WWOX: variants seen among roughly 807,000 people sequenced by gnomAD.
The protein encoded by WWOX is WW domain containing oxidoreductase.
WWOX carries 69 observed loss-of-function variants against 46.2 expected under a neutral mutation model. The ratio of observed to expected loss-of-function variants is 1.49; its 90% CI spans 1.23 to 1.82. The LOEUF is 1.82. Among genes scored for constraint, WWOX ranks in the 40% most tolerant of loss-of-function variants. The pLI, the probability that WWOX is intolerant of heterozygous loss-of-function variation, is 0.00. For missense variants in WWOX, 919 were observed against 542.6 expected, an observed-to-expected ratio of 1.69 and a Z score of -6.89; for synonymous variants, 359 against 202.6, an observed-to-expected ratio of 1.77 and a Z score of -6.56.
At position 78,432,508 on chromosome 16, in the gene WWOX, C is replaced by A; in HGVS notation, c.812C>A (p.Ser271Tyr). 6.2e-7 allele frequency: 1 copy of A among 1,614,120 alleles called. No individual in the cohort carries two copies. The highest frequency in any genetic ancestry group is 8.5e-7 in the Non-Finnish European group (1 of 1,180,028). Residue 271 changes from serine to tyrosine, a missense_variant, in exon 8 of 9, where the codon TCC becomes TAC. Physicochemically the swap from Ser to Tyr is moderately radical, Grantham distance 144 (BLOSUM62 -2). Coordinates refer to ENST00000566780, the MANE Select transcript of WWOX (RefSeq NM_016373.4). ...ESHRFTDIND[S>Y]LGKLDFSRLS... ...TTAAGATTTACAGATATTAACGACTCCTTGGGAAAACTGGACTTCAGTCGC... is the reference window on the plus strand; with the variant it reads ...TTAAGATTTACAGATATTAACGACTACTTGGGAAAACTGGACTTCAGTCGC...
chr16:78,589,017 A>T (rs1006925922), intron 8 of WWOX, among the ~76,000 whole-genome samples: 1 of 152,164 alleles, frequency 6.6e-6, no homozygotes, highest in Non-Finnish European at 1.5e-5. Context: ...TAAATGAGAC[A>T]TCTCTTTCAT....
chr16:78,481,382 A>G (rs1374505954), intron 8 of WWOX, among the ~76,000 whole-genome samples: 1 of 152,134 alleles, frequency 6.6e-6, no homozygotes, highest in East Asian at 1.9e-4. Context: ...CTAGAAGGAT[A>G]TCCTTTCAAT....
intron 8 of WWOX, among the ~76,000 whole-genome samples, chr16:78,528,266 G>A (rs945543765): frequency 7.0e-6 from 1 of 142,972 alleles, no homozygotes; most frequent in Non-Finnish European, 1.5e-5. Context: ...CGCCCACCTC[G>A]GCCTCACAAA....
chr16:79,025,997 A>T (rs2656650), intron 8 of WWOX, among the ~76,000 whole-genome samples: 17 of 150,458 alleles, frequency 1.1e-4, no homozygotes, highest in Admixed American at 7.9e-4. Flanking sequence ...GATGGGTTTT[A>T]GCCATGTTGT....
chr16:78,581,928 C>G (rs998761639), intron 8 of WWOX, among the ~76,000 whole-genome samples: 2 of 152,116 alleles, frequency 1.3e-5, no homozygotes, highest in Admixed American at 1.3e-4. Context: ...TATCTGACCC[C>G]CAAATCTAAT....
intron 5 of WWOX, among the ~76,000 whole-genome samples, chr16:78,269,660 T>C (rs116955574): frequency 1.8e-3 from 271 of 152,366 alleles, no homozygotes; most frequent in Non-Finnish European, 3.5e-3. Flanking sequence ...GGAAGCCTTT[T>C]GAATCAATTT....
intron 8 of WWOX, among the ~76,000 whole-genome samples, chr16:78,575,048 T>C (rs1272126435): frequency 9.1e-5 from 1 of 10,954 alleles, no homozygotes; most frequent in African/African-American, 2.7e-4. Flanking sequence ...TATATATATA[T>C]ATATATATAT....
At position 79,152,397 on chromosome 16, in the gene WWOX, C is replaced by T. The variant is rs1000330415; in HGVS notation, c.1057-59211C>T. 5.3e-5 allele frequency among the ~76,000 whole-genome samples: 8 copies of T among 152,264 alleles called. 1 individual carries two copies. The South Asian group carries it at 1.0e-3, about 20-fold the overall frequency. On this transcript the variant is annotated intron_variant, in intron 8 of 8. Transcript: ENST00000566780. ...TTAAAAAACCAACTGCCCAGCCGGG[C>T]GCAGTGTCTCATGCCTGTAATCCCA...
intron 8 of WWOX, among the ~76,000 whole-genome samples, chr16:78,656,294 C>A (rs1417622430): frequency 2.0e-5 from 3 of 152,054 alleles, no homozygotes; most frequent in African/African-American, 7.2e-5. Context: ...ATCACCCACT[C>A]CAACATGCAT....
chr16:79,167,713 T>C lies in WWOX; in HGVS notation c.1057-43895T>C, dbSNP rs117677501. ...TTCAAAAACCCTTGTATCCTTGTTT[T>C]GTTTCGTTTCCCTGCAAACATTGTT... On this transcript the variant is annotated intron_variant, in intron 8 of 8. Coordinates refer to ENST00000566780, the MANE Select transcript of WWOX (RefSeq NM_016373.4). Among the ~76,000 whole-genome samples the C allele has an allele frequency of 2.8e-4, 42 of 152,356 alleles. No individual in the cohort carries two copies. The East Asian group carries it at 6.7e-3, about 24-fold the overall frequency.
intron 5 of WWOX, among the ~76,000 whole-genome samples, chr16:78,330,557 C>T (rs8054488): frequency 0.013 from 2,031 of 152,276 alleles, 50 homozygotes; most frequent in African/African-American, 0.047. Context: ...CCACCACCGC[C>T]AGCTAATTTT....
chr16:79,166,912 A>C (rs963401895), intron 8 of WWOX, among the ~76,000 whole-genome samples: 5 of 151,952 alleles, frequency 3.3e-5, no homozygotes, highest in Admixed American at 2.6e-4. Flanking sequence ...AGTATACAAC[A>C]CTCGGTAAAT....
chr16:78,107,149 T>C (rs117344747), intron 1 of WWOX, among the ~76,000 whole-genome samples: 2 of 152,208 alleles, frequency 1.3e-5, no homozygotes, highest in African/African-American at 4.8e-5. Flanking sequence ...TTAAATAATA[T>C]AACTTTCTGG....
At chr16:78,963,514 C>T (rs17636170) in intron 8 of WWOX, among the ~76,000 whole-genome samples, 2 of 151,990 alleles carry the variant, frequency 1.3e-5, no homozygotes, top group African/African-American at 4.8e-5. Context: ...AAGTTGCAGA[C>T]AGCAGTCGCT....
chr16:78,863,485 C>A (rs928494844), intron 8 of WWOX, among the ~76,000 whole-genome samples: 1 of 152,126 alleles, frequency 6.6e-6, no homozygotes, highest in African/African-American at 2.4e-5. Flanking sequence ...AGAGAGTCAC[C>A]AATGGACCAC....
chr16:78,819,741 T>C (rs2051441438), intron 8 of WWOX, among the ~76,000 whole-genome samples: 1 of 152,206 alleles, frequency 6.6e-6, no homozygotes, highest in South Asian at 2.1e-4. Flanking sequence ...TCGCCTGCCC[T>C]GCATCACCAG....
At position 79,208,772 on chromosome 16, in the gene WWOX, T is replaced by C. The variant is rs1195374526; in HGVS notation, c.1057-2836T>C. On this transcript the variant is annotated intron_variant, in intron 8 of 8. Coordinates refer to ENST00000566780, the MANE Select transcript of WWOX (RefSeq NM_016373.4). ...AGCTGGTGAGCCAAAAATGAGAACC[T>C]GTTACTAAACTGTCATCACATCTGA... Among the ~76,000 whole-genome samples, 2 of 152,248 alleles carry C rather than the reference T, an allele frequency of 1.3e-5. 1 individual carries two copies. Among genetic ancestry groups the C allele is most frequent in the African/African-American group, 4.8e-5 (2 of 41,464 alleles).
chr16:78,714,653 C>T (rs555442334), intron 8 of WWOX, among the ~76,000 whole-genome samples: 20 of 152,178 alleles, frequency 1.3e-4, no homozygotes, highest in South Asian at 1.0e-3. Flanking sequence ...GCGGAGGAAA[C>T]GGTAAATGAG....
At chr16:78,367,081 G>A (rs867762543) in intron 5 of WWOX, among the ~76,000 whole-genome samples, 22 of 144,716 alleles carry the variant, frequency 1.5e-4, no homozygotes, top group Middle Eastern at 3.8e-3. Flanking sequence ...CCAGGTTTAC[G>A]CCATTCTCCT....
Sources: gnomAD v4.1 joint callset for allele counts (sites outside exome capture counted in the v4.1 genomes callset) on GRCh38, gnomAD v4.1.1 for gene constraint, MANE v1.5 for transcripts, NCBI Gene and HGNC (gene_info 2026-07-23, HGNC 2026-07-21) for gene names.